Variants in CEP55 observed in about 807,000 individuals in gnomAD.
The protein encoded by CEP55 is centrosomal protein of 55 kDa.
A neutral mutation model predicts 63.2 loss-of-function variants in CEP55; 57 were observed. The observed-to-expected ratio is 0.90, with a 90% CI of 0.73 to 1.13. The LOEUF (loss-of-function observed/expected upper bound fraction) is 1.13. Among genes scored for constraint, CEP55 ranks in the 50% most tolerant of loss-of-function variants. CEP55 has a pLI of 0.00. For synonymous variants in CEP55, 178 were observed against 191.6 expected, an observed-to-expected ratio of 0.93 and a Z score of 0.59; for missense variants, 456 against 518.9, an observed-to-expected ratio of 0.88 and a Z score of 1.18.
At chr10:93,500,777 G>A (rs75073949) in intron 2 of CEP55, among the ~76,000 whole-genome samples, 1,174 of 108,902 alleles carry the variant, frequency 0.011, 20 homozygotes, top group African/African-American at 0.039. Context: ...TTTTTTTTTT[G>A]AGACTGGGTC....
intron 8 of CEP55, among the ~76,000 whole-genome samples, chr10:93,521,891 G>A (rs879830943): frequency 6.6e-6 from 1 of 152,192 alleles, no homozygotes; most frequent in Non-Finnish European, 1.5e-5. Context: ...GGTCCTGACT[G>A]TTAGAAGGAA....
intron 2 of CEP55, 64 bp from the exon 3 acceptor site, chr10:93,503,049 A>G (rs2057649902): frequency 1.4e-6 from 2 of 1,382,988 alleles, no homozygotes; most frequent in Non-Finnish European, 2.0e-6. Context: ...TTGTTGAAGT[A>G]TATATTGTTT....
chr10:93,514,217 G>C (rs1564765487), intron 4 of CEP55, among the ~76,000 whole-genome samples: 1 of 152,156 alleles, frequency 6.6e-6, no homozygotes, highest in Non-Finnish European at 1.5e-5. Context: ...ACAGGTGTGA[G>C]CCACTGCCCA....
chr10:93,525,117 G>C (rs1481484633), intron 8 of CEP55, among the ~76,000 whole-genome samples: 2 of 151,852 alleles, frequency 1.3e-5, no homozygotes, highest in African/African-American at 2.4e-5. Context: ...AGGAAATAAA[G>C]GGTATTCAAT....
chr10:93,499,158 T>G (rs1379899138), intron 1 of CEP55, among the ~76,000 whole-genome samples: 1 of 152,192 alleles, frequency 6.6e-6, no homozygotes, highest in Non-Finnish European at 1.5e-5. Context: ...CTTTCATGCC[T>G]GACTCCCCTG....
intron 5 of CEP55, 40 bp downstream of exon 5, chr10:93,515,595 G>T: frequency 6.7e-7 from 1 of 1,493,086 alleles, no homozygotes; most frequent in South Asian, 1.4e-5. Flanking sequence ...GGATAGGCCT[G>T]ACATTTTCCA....
intron 1 of CEP55, among the ~76,000 whole-genome samples, chr10:93,497,410 C>T (rs1305106284): frequency 6.6e-6 from 1 of 152,112 alleles, no homozygotes; most frequent in Non-Finnish European, 1.5e-5. Flanking sequence ...GGACTACAGG[C>T]GTGCGCCACC....
intron 2 of CEP55, among the ~76,000 whole-genome samples, chr10:93,502,903 A>C: frequency 6.6e-6 from 1 of 152,224 alleles, no homozygotes; most frequent in South Asian, 2.1e-4. Flanking sequence ...TCTTAACTAC[A>C]GCACTTACAA....
chr10:93,513,579 T>A (rs2057772854), intron 4 of CEP55, among the ~76,000 whole-genome samples: 1 of 152,106 alleles, frequency 6.6e-6, no homozygotes, highest in African/African-American at 2.4e-5. Context: ...TATTGTATTG[T>A]CAGATTGAAA....
intron 4 of CEP55, among the ~76,000 whole-genome samples, chr10:93,507,258 G>A (rs1031604940): frequency 2.1e-5 from 3 of 142,544 alleles, no homozygotes; most frequent in African/African-American, 5.2e-5. Flanking sequence ...GCAAAGTCTC[G>A]GTCTGTTGCC....
At chr10:93,515,676 A>G (rs1270098238) in intron 5 of CEP55, 121 bp downstream of exon 5, 2 of 982,230 alleles carry the variant, frequency 2.0e-6, no homozygotes, top group Non-Finnish European at 2.9e-6. Flanking sequence ...CAAGTCTTAT[A>G]GCCCTGAAGT....
chr10:93,501,337 A>T (rs184101630), intron 2 of CEP55, among the ~76,000 whole-genome samples: 7 of 152,348 alleles, frequency 4.6e-5, no homozygotes, highest in South Asian at 2.1e-4. Context: ...CATAAATATA[A>T]TCACAAATTT....
Position 93,528,123 on chromosome 10 carries a change from G to T in CEP55, c.1365G>T (p.Leu455=), listed in dbSNP as rs1197254697. 6.2e-7 allele frequency: 1 copy of T among 1,613,860 alleles called. No homozygotes were observed. The highest frequency in any genetic ancestry group is 8.5e-7 in the Non-Finnish European group (1 of 1,179,964). ...IQYPATEHRD[L]LVHVEYCSK ...ATCCAGCCACTGAGCATCGCGATCT[G>T]CTTGTCCATGTGGAATACTGTTCAA... Residue 455 remains leucine, a synonymous_variant, in exon 9 of 9, where the codon CTG becomes CTT. Coordinates refer to ENST00000371485, the MANE Select transcript of CEP55 (RefSeq NM_018131.5).
chr10:93,524,889 G>A (rs1270101744), intron 8 of CEP55, among the ~76,000 whole-genome samples: 2 of 151,814 alleles, frequency 1.3e-5, no homozygotes, highest in Non-Finnish European at 2.9e-5. Context: ...AAATTCAACA[G>A]CCCTTCATGC....
chr10:93,518,755 C>A (rs1028084898), intron 6 of CEP55, 122 bp from the exon 7 acceptor site: 37 of 625,990 alleles, frequency 5.9e-5, no homozygotes, highest in Middle Eastern at 2.6e-4. Flanking sequence ...ATGATTCACC[C>A]CTGACTAGCA....
intron 5 of CEP55, among the ~76,000 whole-genome samples, chr10:93,516,453 A>G (rs1333609322): frequency 2.7e-5 from 4 of 150,634 alleles, no homozygotes; most frequent in African/African-American, 9.7e-5. Context: ...TTGGTAATAC[A>G]GTTCTCTCTC....
At chr10:93,523,142 G>A (rs1186421622) in intron 8 of CEP55, among the ~76,000 whole-genome samples, 1 of 152,098 alleles carries the variant, frequency 6.6e-6, no homozygotes, top group South Asian at 2.1e-4. Flanking sequence ...ACACAGACTG[G>A]CAATTTGGAT....
intron 1 of CEP55, among the ~76,000 whole-genome samples, chr10:93,498,839 C>A (rs1158421367): frequency 6.6e-6 from 1 of 151,576 alleles, no homozygotes; most frequent in Admixed American, 6.6e-5. Context: ...AGTTTACACC[C>A]AGCATGTATT....
intron 8 of CEP55, 94 bp downstream of exon 8, chr10:93,519,901 G>A (rs747615245): frequency 7.6e-7 from 1 of 1,316,744 alleles, no homozygotes; most frequent in East Asian, 2.3e-5. Context: ...TTAACACACA[G>A]CTAGCTGTAT....
Sources: allele counts gnomAD v4.1 joint callset (sites outside exome capture counted in the v4.1 genomes callset), GRCh38; gene constraint gnomAD v4.1.1; transcripts MANE v1.5; gene names NCBI Gene and HGNC (gene_info 2026-07-23, HGNC 2026-07-21).